The following CATSPERE variants were observed in gnomAD, a reference collection of about 807,000 sequenced individuals.
CATSPERE encodes the protein catsper channel auxiliary subunit epsilon, also known as cation channel sperm-associated auxiliary subunit epsilon.
In CATSPERE, 93 loss-of-function variants were observed where a neutral mutation model predicts 114.1. The observed-to-expected ratio is 0.81, with a 90% CI of 0.69 to 0.97. CATSPERE has a LOEUF of 0.97. Among genes scored for constraint, CATSPERE ranks in the 50% least tolerant of loss-of-function variants. CATSPERE has a pLI of 0.00. For missense variants in CATSPERE, 1,058 were observed against 1,131.6 expected (o/e 0.93, Z 0.93); for synonymous variants, 341 against 384.1 (o/e 0.89, Z 1.31).
intron 20 of CATSPERE, among the ~76,000 whole-genome samples, chr1:244,631,008 T>G (rs1410120422): frequency 6.6e-6 from 1 of 152,172 alleles, no homozygotes; most frequent in East Asian, 1.9e-4. Flanking sequence ...GTTAGCAAAA[T>G]TCTGCAGTTA....
At chr1:244,591,496 C>G (rs1271227243) in intron 14 of CATSPERE, among the ~76,000 whole-genome samples, 185 bp from the exon 15 acceptor site, 1 of 152,142 alleles carries the variant, frequency 6.6e-6, no homozygotes, top group East Asian at 1.9e-4. Context: ...TCTCCTGAAA[C>G]ATTTATGAAA....
intron 8 of CATSPERE, among the ~76,000 whole-genome samples, chr1:244,539,469 A>C (rs1481192527): frequency 7.5e-6 from 1 of 134,150 alleles, no homozygotes; most frequent in African/African-American, 2.7e-5. Context: ...CTTTGGTATC[A>C]GAATGATGCT....
chr1:244,568,499 C>G lies in CATSPERE; in HGVS notation c.1508-3831C>G, dbSNP rs148971794. Among the ~76,000 whole-genome samples, 1,466 of 152,350 alleles carry G rather than the reference C, an allele frequency of 9.6e-3. 29 individuals are homozygous for G. The highest frequency in any genetic ancestry group is 0.032 in the African/African-American group (1,350 of 41,584). Reference sequence around the variant, plus strand: ...GGAGATGAGGGTTTTATCTATAAGCCCCTGAGTGGGGCTGCTGCCTTTCTT... The same window carrying G: ...GGAGATGAGGGTTTTATCTATAAGCGCCTGAGTGGGGCTGCTGCCTTTCTT... On this transcript the variant is annotated intron_variant, in intron 10 of 21. Transcript: ENST00000366534. This position sits in a 1 kb window ranked among gnomAD's most constrained non-coding sequence, Gnocchi z 4.4.
intron 6 of CATSPERE, among the ~76,000 whole-genome samples, 196 bp from the exon 7 acceptor site, chr1:244,498,806 G>A (rs988954255): frequency 3.9e-5 from 6 of 152,120 alleles, no homozygotes; most frequent in Non-Finnish European, 7.4e-5. Context: ...GCTGAGGCAG[G>A]AGAATTGCTT....
At chr1:244,637,024 T>C (rs980405310) in intron 21 of CATSPERE, among the ~76,000 whole-genome samples, 11 of 151,870 alleles carry the variant, frequency 7.2e-5, no homozygotes, top group African/African-American at 2.7e-4. Context: ...CTCTGAGCCC[T>C]CCCTCTCTCT....
In CATSPERE at chr1:244,527,264, G is replaced by C. The variant is rs538242757; in HGVS notation, c.536+8566G>C. Among the ~76,000 whole-genome samples, 4 of 152,294 alleles carry C rather than the reference G, an allele frequency of 2.6e-5. No individual in the cohort carries two copies. The East Asian group carries it at 7.7e-4, about 29-fold the overall frequency. On this transcript the variant is annotated intron_variant, in intron 8 of 21. Coordinates refer to ENST00000366534, the MANE Select transcript of CATSPERE (RefSeq NM_001130957.2). ...TCCCTACAGCTGCAACCGTAAAAGA[G>C]AGCCTCCCCTGAAGCAGCCATTTCA...
rs894268301 is a variant in CATSPERE at position 244,573,784 on chromosome 1, C to T, written c.1950+1012C>T. Among the ~76,000 whole-genome samples, 1 of 152,174 alleles carries T rather than the reference C, an allele frequency of 6.6e-6. No homozygotes were observed. The highest frequency in any genetic ancestry group is 1.5e-5 in the Non-Finnish European group (1 of 68,034). On this transcript the variant is annotated intron_variant, in intron 11 of 21. Transcript: ENST00000366534. This position sits in a 1 kb window ranked among gnomAD's most constrained non-coding sequence, Gnocchi z 4.0. ...CCTCTTATGGAGAAATAGCAAGTTA[C>T]ACTGCATACGGGACATGCATATGGG...
At chr1:244,513,128 C>G (rs1676038113) in intron 7 of CATSPERE, among the ~76,000 whole-genome samples, 1 of 152,074 alleles carries the variant, frequency 6.6e-6, no homozygotes, top group Non-Finnish European at 1.5e-5. Context: ...CCGCAGGCCC[C>G]TTGGCAGCAT....
At chr1:244,564,267 A>G (rs1427786116) in intron 10 of CATSPERE, among the ~76,000 whole-genome samples, 2 of 152,140 alleles carry the variant, frequency 1.3e-5, no homozygotes, top group Non-Finnish European at 2.9e-5. Context: ...AATTTAAAGT[A>G]GTTTTTTCTA....
chr1:244,511,430 T>C (rs1381387702), intron 7 of CATSPERE, among the ~76,000 whole-genome samples: 4 of 152,194 alleles, frequency 2.6e-5, no homozygotes, highest in African/African-American at 9.6e-5. Flanking sequence ...GTAAATGTCA[T>C]TTAAATGGAA....
intron 18 of CATSPERE, 135 bp from the exon 19 acceptor site, chr1:244,610,105 G>C (rs1379087568): frequency 3.3e-6 from 2 of 610,024 alleles, no homozygotes; most frequent in Non-Finnish European, 5.7e-6. Context: ...TTATTCCTCT[G>C]TATACCAGCC....
chr1:244,594,380 C>A (rs531554784), intron 17 of CATSPERE, among the ~76,000 whole-genome samples: 1 of 152,236 alleles, frequency 6.6e-6, no homozygotes, highest in Non-Finnish European at 1.5e-5. Flanking sequence ...ATTAGGAAGA[C>A]TTTTCCAAGT....
chr1:244,617,644 G>C lies in CATSPERE; in HGVS notation c.2606G>C (p.Gly869Ala). 1 of 1,544,414 alleles carries C rather than the reference G, an allele frequency of 6.5e-7. No homozygotes were observed. Among genetic ancestry groups the C allele is most frequent in the Non-Finnish European group, 8.7e-7 (1 of 1,145,356 alleles). ...NHIFWPMGHS[G>A]MYVFRVKILD... is the part of the protein sequence containing the mutation. ...ATATTTTGGCCCATGGGCCATTCTG[G>C]AATGTATGTATTTCGTGTGAAGATC... Residue 869 changes from glycine (G) to alanine (A), a missense_variant, in exon 20 of 22, where the codon GGA (glycine) becomes GCA (alanine). Gly to Ala is a moderately conservative substitution (Grantham distance 60). Around this residue, in one of 2 missense-constraint regions of CATSPERE, gnomAD observed 787 missense variants for 905.6 expected, o/e 0.87. Transcript: ENST00000366534.
chr1:244,542,145 C>T (rs1230890120), intron 8 of CATSPERE, among the ~76,000 whole-genome samples: 1 of 76,038 alleles, frequency 1.3e-5, no homozygotes, highest in African/African-American at 5.3e-5. Context: ...TACCCTAAAA[C>T]ATAAAGTATA....
intron 7 of CATSPERE, among the ~76,000 whole-genome samples, chr1:244,507,246 ATTTCATTTCC>A (rs1247182586): frequency 6.6e-6 from 1 of 152,134 alleles, no homozygotes; most frequent in Non-Finnish European, 1.5e-5. Flanking sequence ...TGACATCCTG[ATTTCATTTCC>A]TTTGGATAAA....
At chr1:244,537,600 T>C (rs1438411173) in intron 8 of CATSPERE, among the ~76,000 whole-genome samples, 1 of 140,444 alleles carries the variant, frequency 7.1e-6, no homozygotes, top group Non-Finnish European at 1.7e-5. Context: ...AAGAAAGTCA[T>C]TGGGCCTGGT....
rs545735916 is a variant in CATSPERE, at chr1:244,567,457, A to G, written c.1508-4873A>G. Among the ~76,000 whole-genome samples the G allele has an allele frequency of 2.8e-4, 42 of 152,072 alleles. 1 individual carries two copies. The highest frequency in any genetic ancestry group is 3.4e-3 in the Middle Eastern group (1 of 294). ...GAAGAGTGTTTTCCAACTTGGTTCC[A>G]TTCTCCCCATCACTTTCAGGTACAC... On this transcript the variant is annotated intron_variant, in intron 10 of 21. Transcript: ENST00000366534.
intron 6 of CATSPERE, among the ~76,000 whole-genome samples, chr1:244,495,936 A>C (rs1406846940): frequency 6.6e-6 from 1 of 152,234 alleles, no homozygotes. Context: ...AAATACAAAT[A>C]CAACTTTGCA....
chr1:244,581,595 T>C (rs1316083637), intron 11 of CATSPERE, among the ~76,000 whole-genome samples: 1 of 152,222 alleles, frequency 6.6e-6, no homozygotes, highest in African/African-American at 2.4e-5. Flanking sequence ...TTATTATATT[T>C]GCGTACTTGC....
Sources: gnomAD v4.1 joint callset for allele counts (sites outside exome capture counted in the v4.1 genomes callset) on GRCh38, gnomAD v4.1.1 for gene constraint, gnomAD v4.1.1 regional missense constraint, Gnocchi (gnomAD v3.1) non-coding constraint, MANE v1.5 for transcripts, NCBI Gene and HGNC (gene_info 2026-07-23, HGNC 2026-07-21) for gene names.